Variants in GRID2 observed in about 807,000 individuals in gnomAD.
GRID2 encodes glutamate receptor ionotropic, delta-2.
Under a neutral mutation model 114.8 loss-of-function variants are expected in GRID2, and 33 were observed. The ratio of observed to expected loss-of-function variants is 0.29; its 90% confidence interval spans 0.22 to 0.38. GRID2 has a LOEUF of 0.38. Among genes scored for constraint, GRID2 ranks in the 10% least tolerant of loss-of-function variants. GRID2 has a pLI of 1.00. For synonymous variants in GRID2, 505 were observed against 449.9 expected (o/e 1.12, Z -1.55); for missense variants, 1,184 against 1,257.7 (o/e 0.94, Z 0.89).
intron 13 of GRID2, among the ~76,000 whole-genome samples, chr4:93,606,030 G>A (rs1578377902): frequency 6.6e-6 from 1 of 152,194 alleles, no homozygotes; most frequent in East Asian, 1.9e-4. Flanking sequence ...TCTTTGGGAG[G>A]CAGAGGTAGC....
chr4:93,589,995 T>C (rs1284014193), intron 13 of GRID2, among the ~76,000 whole-genome samples: 1 of 150,776 alleles, frequency 6.6e-6, no homozygotes, highest in Non-Finnish European at 1.5e-5. Flanking sequence ...TTCTCCCATT[T>C]TGTAGGTTGC....
At chr4:92,709,572 GAAAAAAAA>G (rs767320278) in intron 2 of GRID2, among the ~76,000 whole-genome samples, 1 of 101,060 alleles carries the variant, frequency 9.9e-6, no homozygotes, top group Non-Finnish European at 2.0e-5. Flanking sequence ...ATAGTGTAGA[GAAAAAAAA>G]AAAAAAAAAA....
intron 2 of GRID2, among the ~76,000 whole-genome samples, chr4:92,901,261 T>G (rs1394533696): frequency 6.6e-6 from 1 of 152,220 alleles, no homozygotes; most frequent in Non-Finnish European, 1.5e-5. Flanking sequence ...TTTTTAGTAA[T>G]AGCCATTCTG....
intron 1 of GRID2, among the ~76,000 whole-genome samples, chr4:92,546,141 G>A (rs986180332): frequency 2.6e-5 from 4 of 152,072 alleles, no homozygotes; most frequent in Non-Finnish European, 4.4e-5. Context: ...AAAAAAAGCT[G>A]CTCAACCTTT....
At chr4:92,845,011 A>G (rs1351833075) in intron 2 of GRID2, among the ~76,000 whole-genome samples, 1 of 152,090 alleles carries the variant, frequency 6.6e-6, no homozygotes, top group African/African-American at 2.4e-5. Flanking sequence ...CTTGATTAGG[A>G]TTAAAGCACC....
intron 10 of GRID2, among the ~76,000 whole-genome samples, chr4:93,425,236 C>G (rs1768725591): frequency 6.6e-6 from 1 of 152,126 alleles, no homozygotes; most frequent in African/African-American, 2.4e-5. Flanking sequence ...ATTGTTAAGA[C>G]TTGGGATTAT....
At chr4:93,231,208 T>C (rs979585049) in intron 7 of GRID2, among the ~76,000 whole-genome samples, 2 of 152,064 alleles carry the variant, frequency 1.3e-5, no homozygotes, top group African/African-American at 4.8e-5. Context: ...AGAAGTGTAC[T>C]ATATTTAAAT....
chr4:92,616,888 T>C (rs909702165), intron 2 of GRID2, among the ~76,000 whole-genome samples: 3 of 151,240 alleles, frequency 2.0e-5, no homozygotes, highest in Non-Finnish European at 4.4e-5. Flanking sequence ...TGTGCATTTT[T>C]GGCAGTCTTT....
chr4:93,032,849 A>G (rs1208209646), intron 2 of GRID2, among the ~76,000 whole-genome samples: 1 of 152,164 alleles, frequency 6.6e-6, no homozygotes, highest in Non-Finnish European at 1.5e-5. Context: ...CACCCATGGG[A>G]TACAGGACAG....
intron 13 of GRID2, among the ~76,000 whole-genome samples, chr4:93,563,001 G>A (rs1308215493): frequency 3.3e-5 from 5 of 151,898 alleles, no homozygotes; most frequent in African/African-American, 7.2e-5. Flanking sequence ...TTCAAGTCAG[G>A]TAATGTCAGT....
intron 2 of GRID2, among the ~76,000 whole-genome samples, chr4:92,815,993 CA>C (rs1297256850): frequency 7.3e-6 from 1 of 136,406 alleles, no homozygotes; most frequent in Non-Finnish European, 1.6e-5. Context: ...AAACCCCTCA[CA>C]AACAAAAGAG....
intron 14 of GRID2, among the ~76,000 whole-genome samples, chr4:93,676,960 C>T (rs903760942): frequency 5.9e-5 from 9 of 151,942 alleles, no homozygotes; most frequent in African/African-American, 1.9e-4. Context: ...ATGCACGAGC[C>T]GAAGCAGGAC....
rs749915169 is a variant in GRID2 at position 93,422,935 on chromosome 4, A to G, written c.1512A>G (p.Thr504=). The G allele has an allele frequency of 3.1e-6, 5 of 1,613,234 alleles. No homozygotes were observed. The African/African-American group carries it at 5.3e-5, about 17-fold the overall frequency. The change falls in exon 10 of 16, where the codon ACA becomes ACG. Residue 504 remains threonine, a synonymous_variant. Transcript: ENST00000282020. ...HKYGSPQEDG[T]WNGLVGELVF... is the part of the protein sequence containing the mutation. ...ACGGAAGCCCACAAGAAGATGGGAC[A>G]TGGAATGGCTTGGTAGGAGAACTTG...
intron 8 of GRID2, among the ~76,000 whole-genome samples, chr4:93,262,392 C>T (rs961819030): frequency 2.6e-5 from 4 of 151,750 alleles, no homozygotes; most frequent in African/African-American, 9.7e-5. Flanking sequence ...ACCATAAATG[C>T]CCAGGGAGGC....
At chr4:93,169,697 A>G (rs1282319075) in intron 4 of GRID2, among the ~76,000 whole-genome samples, 1 of 152,220 alleles carries the variant, frequency 6.6e-6, no homozygotes, top group East Asian at 1.9e-4. Context: ...TTATACACTA[A>G]AGCTCAATGT....
chr4:93,130,124 G>A (rs545223785), intron 4 of GRID2, among the ~76,000 whole-genome samples: 1 of 152,084 alleles, frequency 6.6e-6, no homozygotes. Flanking sequence ...AGACAGGCGG[G>A]AGACCCAAAT....
chr4:92,565,336 A>T (rs547549434), intron 1 of GRID2, among the ~76,000 whole-genome samples: 2 of 152,122 alleles, frequency 1.3e-5, no homozygotes, highest in South Asian at 4.1e-4. Flanking sequence ...CTGTCAATTC[A>T]TATTATTTTT....
At chr4:93,107,324 C>A (rs931118734) in intron 3 of GRID2, among the ~76,000 whole-genome samples, 6 of 151,866 alleles carry the variant, frequency 4.0e-5, no homozygotes, top group African/African-American at 1.2e-4. Flanking sequence ...CAAATAAATT[C>A]TTCATTTACA....
At chr4:92,706,334 T>G (rs190721091) in intron 2 of GRID2, among the ~76,000 whole-genome samples, 2 of 152,152 alleles carry the variant, frequency 1.3e-5, no homozygotes, top group African/African-American at 4.8e-5. Context: ...CTCACCTATT[T>G]TTAAAGTTTT....
Sources: allele counts gnomAD v4.1 joint callset (sites outside exome capture counted in the v4.1 genomes callset), GRCh38; gene constraint gnomAD v4.1.1; transcripts MANE v1.5; gene names NCBI Gene and HGNC (gene_info 2026-07-23, HGNC 2026-07-21).